The following GALR1 variants were observed in gnomAD, a reference collection of about 807,000 sequenced individuals.
GALR1 encodes galanin receptor 1, also known as galanin receptor type 1.
A neutral mutation model predicts 17.9 loss-of-function variants in GALR1; 11 were observed. That is an observed-to-expected ratio of 0.62 (90% CI 0.39 to 1.02). The LOEUF (loss-of-function observed/expected upper bound fraction) is 1.02. Ranked by LOEUF, GALR1 falls within the 50% of genes least tolerant of loss-of-function variation. The pLI, the probability that GALR1 is intolerant of heterozygous loss-of-function variation, is 0.01. For synonymous variants in GALR1, 206 were observed against 205.7 expected (o/e 1.00, Z -0.01); for missense variants, 441 against 456.9 (o/e 0.97, Z 0.32).
At chr18:77,259,351 TG>T (rs1218320783) in intron 2 of GALR1, among the ~76,000 whole-genome samples, 2 of 139,464 alleles carry the variant, frequency 1.4e-5, no homozygotes, top group Admixed American at 1.4e-4. Context: ...GTGATGGTGG[TG>T]GATGGTGGTG....
At chr18:77,252,572 A>G (rs1323654943) in intron 1 of GALR1, among the ~76,000 whole-genome samples, 3 of 152,160 alleles carry the variant, frequency 2.0e-5, no homozygotes, top group African/African-American at 7.2e-5. Flanking sequence ...GCCTGCACCA[A>G]AAGGTTAAAT....
At chr18:77,268,276 T>C (rs1912984832) in intron 2 of GALR1, among the ~76,000 whole-genome samples, 2 of 152,200 alleles carry the variant, frequency 1.3e-5, no homozygotes, top group African/African-American at 2.4e-5. Context: ...ACTTTGTACT[T>C]TTCTAGTTCC....
At position 77,250,751 on chromosome 18, in the gene GALR1, G is replaced by A. The variant is rs188067960; in HGVS notation, c.203G>A (p.Ser68Asn). ...LARSKPGKPR[S>N]TTNLFILNLS... ...CGCAGCAAGCCGGGCAAGCCGCGGA[G>A]CACCACCAACCTGTTCATCCTCAAC... Residue 68 changes from serine to asparagine, a missense_variant, in exon 1 of 3, where the codon AGC becomes AAC. Physicochemically the swap from Ser to Asn is conservative, Grantham distance 46 (BLOSUM62 1). Transcript: ENST00000299727. The A allele has an allele frequency of 5.3e-5, 85 of 1,613,910 alleles. No homozygotes were observed. Among genetic ancestry groups the A allele is most frequent in the Non-Finnish European group, 7.1e-5 (84 of 1,179,988 alleles).
At chr18:77,260,131 G>T (rs1912797019) in intron 2 of GALR1, among the ~76,000 whole-genome samples, 1 of 152,142 alleles carries the variant, frequency 6.6e-6, no homozygotes, top group Admixed American at 6.5e-5. Context: ...CATAGTCTGG[G>T]TGGCTCATAA....
intron 2 of GALR1, among the ~76,000 whole-genome samples, chr18:77,265,655 G>A (rs1057205111): frequency 6.6e-6 from 1 of 152,224 alleles, no homozygotes; most frequent in Non-Finnish European, 1.5e-5. Flanking sequence ...GGGCATCCAA[G>A]CATTTCCATA....
chr18:77,269,484 C>G lies in GALR1; in HGVS notation c.*582C>G, dbSNP rs1390458048. On this transcript the variant is annotated 3_prime_UTR_variant, in exon 3 of 3. Transcript: ENST00000299727. Reference sequence around the variant, plus strand: ...TTCCAATTGTAGCTAGCGCACAGAGCTTTGGAAGCCTGTCATTATGAGATA... The same window carrying G: ...TTCCAATTGTAGCTAGCGCACAGAGGTTTGGAAGCCTGTCATTATGAGATA... 1.3e-5 allele frequency: 2 copies of G among 152,522 alleles called. No individual in the cohort carries two copies. Among genetic ancestry groups the G allele is most frequent in the African/African-American group, 4.8e-5 (2 of 41,456 alleles). 9.4% of individuals were successfully genotyped at this position (152,522 alleles called of 1,614,324 possible).
chr18:77,265,647 G>A (rs1156303452), intron 2 of GALR1, among the ~76,000 whole-genome samples: 1 of 152,212 alleles, frequency 6.6e-6, no homozygotes, highest in African/African-American at 2.4e-5. Context: ...TTCTGCCTGG[G>A]CATCCAAGCA....
At chr18:77,252,708 T>G (rs1912446151) in intron 1 of GALR1, among the ~76,000 whole-genome samples, 1 of 151,782 alleles carries the variant, frequency 6.6e-6, no homozygotes, top group African/African-American at 2.4e-5. Context: ...ATTAGCTGGG[T>G]GTGGTGGCGG....
intron 2 of GALR1, among the ~76,000 whole-genome samples, chr18:77,258,591 A>ATGG (rs1252090273): frequency 2.8e-3 from 27 of 9,646 alleles, no homozygotes; most frequent in Admixed American, 6.4e-3. Context: ...CATGGTGGTG[A>ATGG]TGGTGGTGGT....
intron 2 of GALR1, among the ~76,000 whole-genome samples, chr18:77,259,432 G>GTGGTGATGA (rs1381909751): frequency 6.6e-6 from 1 of 150,626 alleles, no homozygotes; most frequent in Non-Finnish European, 1.5e-5. Flanking sequence ...GATGGTCATG[G>GTGGTGATGA]TGGTGATGAT....
chr18:77,263,520 C>A (rs868751016), intron 2 of GALR1, among the ~76,000 whole-genome samples: 1 of 152,108 alleles, frequency 6.6e-6, no homozygotes, highest in African/African-American at 2.4e-5. Flanking sequence ...ATGGCATGGC[C>A]AGGTGGGAAC....
chr18:77,251,839 A>C (rs1386834713), intron 1 of GALR1, among the ~76,000 whole-genome samples: 2 of 152,318 alleles, frequency 1.3e-5, no homozygotes, highest in South Asian at 2.1e-4. Flanking sequence ...GGCTCTGTGA[A>C]GCCGCTGCTC....
chr18:77,254,263 G>T (rs1568139617), intron 1 of GALR1, among the ~76,000 whole-genome samples: 1 of 152,102 alleles, frequency 6.6e-6, no homozygotes, highest in Non-Finnish European at 1.5e-5. Flanking sequence ...TTCCTCCTTT[G>T]CTGCTGAGAC....
In GALR1 at chr18:77,270,164, T is replaced by C. The variant is rs1227796179; in HGVS notation, c.*1262T>C. Reference sequence around the variant, plus strand: ...AAAAGTACTTTTCAGACTGTAAGACTTTGATATGTTTTAGGAGGCAACAAA... The same window carrying C: ...AAAAGTACTTTTCAGACTGTAAGACCTTGATATGTTTTAGGAGGCAACAAA... On this transcript the variant is annotated 3_prime_UTR_variant, in exon 3 of 3. Coordinates refer to ENST00000299727, the MANE Select transcript of GALR1 (RefSeq NM_001480.4). 2 of 152,236 alleles carry C rather than the reference T, an allele frequency of 1.3e-5. No individual in the cohort carries two copies. Among genetic ancestry groups the C allele is most frequent in the Non-Finnish European group, 2.9e-5 (2 of 68,044 alleles). The allele number at this position is 152,236 out of a possible 1,614,324, so 9.4% of individuals were successfully genotyped here.
intron 2 of GALR1, among the ~76,000 whole-genome samples, chr18:77,262,815 T>A (rs573638456): frequency 2.8e-4 from 43 of 152,350 alleles, no homozygotes; most frequent in African/African-American, 9.9e-4. Flanking sequence ...CAAACTGTAA[T>A]TCCATCTCAT....
At chr18:77,251,755 G>A (rs957509557) in intron 1 of GALR1, among the ~76,000 whole-genome samples, 5 of 152,178 alleles carry the variant, frequency 3.3e-5, no homozygotes, top group South Asian at 2.1e-4. Context: ...GCCGTGGCGG[G>A]GGGGACTCGC....
At chr18:77,253,461 C>A (rs187254118) in intron 1 of GALR1, among the ~76,000 whole-genome samples, 1 of 152,166 alleles carries the variant, frequency 6.6e-6, no homozygotes, top group Non-Finnish European at 1.5e-5. Flanking sequence ...CTGAAGCACA[C>A]GCTTCCTTAT....
chr18:77,268,489 A>G, intron 2 of GALR1, 96 bp from the exon 3 acceptor site: 1 of 811,542 alleles, frequency 1.2e-6, no homozygotes, highest in Non-Finnish European at 2.0e-6. Context: ...AAAATGCTGG[A>G]TTCCTTTTGT....
intron 1 of GALR1, among the ~76,000 whole-genome samples, chr18:77,254,374 G>T (rs1394412281): frequency 6.6e-6 from 1 of 152,194 alleles, no homozygotes; most frequent in Non-Finnish European, 1.5e-5. Context: ...TTTCTCCATT[G>T]ACCATTTAAC....
Sources: gnomAD v4.1 joint callset for allele counts (sites outside exome capture counted in the v4.1 genomes callset) on GRCh38, gnomAD v4.1.1 for gene constraint, MANE v1.5 for transcripts, NCBI Gene and HGNC (gene_info 2026-07-23, HGNC 2026-07-21) for gene names.